The following FSTL5 variants were observed in gnomAD, a reference collection of about 807,000 sequenced individuals.
FSTL5 encodes follistatin like 5, also known as follistatin-related protein 5.
FSTL5 carries 62 observed loss-of-function variants against 89.1 expected under a neutral mutation model. The observed-to-expected ratio is 0.70, with a 90% CI of 0.57 to 0.86. The LOEUF (loss-of-function observed/expected upper bound fraction) is 0.86, where lower values mean the gene tolerates loss of function less well. Ranked by LOEUF, FSTL5 falls within the 40% of genes least tolerant of loss-of-function variation. The pLI, the probability that FSTL5 is intolerant of heterozygous loss-of-function variation, is 0.00. For synonymous variants in FSTL5, 383 were observed against 346.2 expected (o/e 1.11, Z -1.18); for missense variants, 1,057 against 1,001.6 (o/e 1.06, Z -0.75).
At chr4:162,077,044 CA>C (rs1473536189) in intron 2 of FSTL5, among the ~76,000 whole-genome samples, 1 of 151,770 alleles carries the variant, frequency 6.6e-6, no homozygotes, top group Non-Finnish European at 1.5e-5. Context: ...TCTTTTAATG[CA>C]TTTTTTGTTG....
chr4:161,438,361 G>C (rs1410462807), intron 15 of FSTL5, among the ~76,000 whole-genome samples: 3 of 151,720 alleles, frequency 2.0e-5, no homozygotes, highest in Non-Finnish European at 2.9e-5. Flanking sequence ...TCATGTACTA[G>C]AGAGAAAATA....
At chr4:161,400,131 A>C (rs943749038) in intron 15 of FSTL5, among the ~76,000 whole-genome samples, 2 of 152,114 alleles carry the variant, frequency 1.3e-5, no homozygotes, top group African/African-American at 4.8e-5. Flanking sequence ...AAATTGTCCA[A>C]ATCTCCAAAA....
chr4:162,025,124 A>C (rs962487146), intron 3 of FSTL5, among the ~76,000 whole-genome samples: 1 of 152,178 alleles, frequency 6.6e-6, no homozygotes, highest in African/African-American at 2.4e-5. Flanking sequence ...AAACAAGATA[A>C]GAATAGTGTT....
chr4:161,812,516 A>AC (rs1180585340), intron 4 of FSTL5, among the ~76,000 whole-genome samples: 242 of 21,852 alleles, frequency 0.011, no homozygotes, highest in African/African-American at 0.021. Context: ...TAGTTAAGAA[A>AC]AACACACACA....
chr4:161,396,947 A>G (rs1279571022), intron 15 of FSTL5, among the ~76,000 whole-genome samples: 2 of 152,184 alleles, frequency 1.3e-5, no homozygotes, highest in Non-Finnish European at 2.9e-5. Context: ...ACTAGGGAGT[A>G]TAATGAATTA....
At chr4:162,108,082 A>T (rs1731289993) in intron 2 of FSTL5, among the ~76,000 whole-genome samples, 1 of 152,128 alleles carries the variant, frequency 6.6e-6, no homozygotes, top group Non-Finnish European at 1.5e-5. Context: ...AGAGTGAATG[A>T]ATTCCTACAT....
intron 7 of FSTL5, among the ~76,000 whole-genome samples, chr4:161,622,774 T>G (rs2126647881): frequency 6.6e-6 from 1 of 152,142 alleles, no homozygotes; most frequent in South Asian, 2.1e-4. Flanking sequence ...GTTTAGAAAA[T>G]TTTTATTTAA....
intron 15 of FSTL5, among the ~76,000 whole-genome samples, chr4:161,448,368 A>C (rs780697148): frequency 2.0e-5 from 3 of 152,146 alleles, no homozygotes; most frequent in Non-Finnish European, 4.4e-5. Context: ...ACAGCATTTT[A>C]GTGCTAAAAT....
chr4:161,884,312 C>T (rs1249534629), intron 4 of FSTL5, among the ~76,000 whole-genome samples: 3 of 152,090 alleles, frequency 2.0e-5, no homozygotes, highest in African/African-American at 7.2e-5. Flanking sequence ...TGGTGTTTCC[C>T]ATTTAAATTA....
intron 4 of FSTL5, among the ~76,000 whole-genome samples, chr4:161,859,603 C>CA (rs1388363087): frequency 1.3e-5 from 2 of 152,084 alleles, no homozygotes; most frequent in Non-Finnish European, 2.9e-5. Context: ...AAAATGAATT[C>CA]AAACTGATCA....
intron 15 of FSTL5, among the ~76,000 whole-genome samples, chr4:161,450,765 C>CAG (rs1181754328): frequency 7.8e-6 from 1 of 128,794 alleles, no homozygotes; most frequent in Non-Finnish European, 1.6e-5. Flanking sequence ...TTTTTTGAGA[C>CAG]AGAGTCTCAC....
chr4:161,791,456 G>A (rs1244603223), intron 4 of FSTL5, among the ~76,000 whole-genome samples: 2 of 152,158 alleles, frequency 1.3e-5, no homozygotes, highest in African/African-American at 2.4e-5. Flanking sequence ...AAGGAACAGC[G>A]TAAATATGTT....
chr4:161,422,988 T>G (rs1242015673), intron 15 of FSTL5, among the ~76,000 whole-genome samples: 1 of 152,208 alleles, frequency 6.6e-6, no homozygotes, highest in African/African-American at 2.4e-5. Context: ...TATGCTTCTT[T>G]TAGCTTGCTA....
intron 6 of FSTL5, among the ~76,000 whole-genome samples, chr4:161,697,228 A>C (rs2126726241): frequency 6.6e-6 from 1 of 152,240 alleles, no homozygotes; most frequent in Admixed American, 6.5e-5. Context: ...TGCTATAGGA[A>C]ATACCAAAAT....
At chr4:162,050,334 T>A (rs1738338782) in intron 2 of FSTL5, among the ~76,000 whole-genome samples, 1 of 151,126 alleles carries the variant, frequency 6.6e-6, no homozygotes, top group Non-Finnish European at 1.5e-5. Context: ...AATAGCAAAA[T>A]GCTTATAATG....
At chr4:162,039,282 G>A (rs180942836) in intron 2 of FSTL5, among the ~76,000 whole-genome samples, 83 of 151,742 alleles carry the variant, frequency 5.5e-4, no homozygotes, top group African/African-American at 1.7e-3. Context: ...TAGTATGGGA[G>A]TAATCAGGAA....
At chr4:161,759,617 T>C (rs1444211225) in intron 5 of FSTL5, 86 bp from the exon 6 acceptor site, 4 of 854,600 alleles carry the variant, frequency 4.7e-6, no homozygotes, top group Non-Finnish European at 6.5e-6. Context: ...AATCACATAA[T>C]AGTTCATTTC....
chr4:162,005,833 A>C (rs987917570), intron 3 of FSTL5, among the ~76,000 whole-genome samples: 1 of 152,114 alleles, frequency 6.6e-6, no homozygotes, highest in African/African-American at 2.4e-5. Context: ...GGAACTTTCC[A>C]AGGAAATAAC....
chr4:161,603,621 A>G (rs1734330724), intron 7 of FSTL5, among the ~76,000 whole-genome samples: 1 of 152,294 alleles, frequency 6.6e-6, no homozygotes, highest in East Asian at 1.9e-4. Context: ...TATGCAGCTC[A>G]AGCTAAGATA....
Sources: allele counts gnomAD v4.1 joint callset (sites outside exome capture counted in the v4.1 genomes callset), GRCh38; gene constraint gnomAD v4.1.1; transcripts MANE v1.5; gene names NCBI Gene and HGNC (gene_info 2026-07-23, HGNC 2026-07-21).